Variants in MAML3 observed in about 807,000 individuals in gnomAD.
The protein encoded by MAML3 is mastermind-like protein 3.
MAML3 carries 27 observed loss-of-function variants against 101.9 expected under a neutral mutation model. The observed-to-expected ratio is 0.27, with a 90% CI of 0.20 to 0.37. The LOEUF is 0.37. Ranked by LOEUF, MAML3 falls within the 10% of genes least tolerant of loss-of-function variation. The pLI is 1.00. For missense variants in MAML3, 1,316 were observed against 1,444.9 expected (o/e 0.91, Z 1.45); for synonymous variants, 501 against 555.9 (o/e 0.90, Z 1.39).
chr4:140,097,093 A>G (rs1170153075), intron 1 of MAML3, among the ~76,000 whole-genome samples: 1 of 152,202 alleles, frequency 6.6e-6, no homozygotes, highest in Non-Finnish European at 1.5e-5. Context: ...ACATTTGTAT[A>G]TTTAGTTTTA....
intron 2 of MAML3, among the ~76,000 whole-genome samples, chr4:139,853,779 C>G (rs1731603037): frequency 6.6e-6 from 1 of 151,950 alleles, no homozygotes; most frequent in Non-Finnish European, 1.5e-5. Flanking sequence ...CTGCTTTTTA[C>G]CAGCTATGAG....
At chr4:140,041,211 A>G (rs1299080621) in intron 1 of MAML3, among the ~76,000 whole-genome samples, 2 of 152,168 alleles carry the variant, frequency 1.3e-5, no homozygotes, top group Non-Finnish European at 2.9e-5. Context: ...TGGGTCTTGA[A>G]GCATCAACTT....
Position 140,153,726 on chromosome 4 carries a change from T to C in MAML3, c.-399A>G. ...GGAGATTTCCGGTGGTTGGCAAGCA[T>C]TTTCTCCCTACATACCGAAAAACAC... On this transcript the variant is annotated 5_prime_UTR_variant, in exon 1 of 5. The change abolishes an upstream ATG in the 5' untranslated region. Coordinates refer to ENST00000509479, the MANE Select transcript of MAML3 (RefSeq NM_018717.5). 1 of 190,416 alleles carries C rather than the reference T, an allele frequency of 5.3e-6. No homozygotes were observed. Among genetic ancestry groups the C allele is most frequent in the Non-Finnish European group, 1.1e-5 (1 of 93,292 alleles). The allele number at this position is 190,416 out of a possible 1,614,324, so 11.8% of individuals were successfully genotyped here. A position where few individuals can be genotyped will look rare whatever the true frequency, so the allele number is the denominator to read the frequency against.
At chr4:139,779,726 G>C (rs1408050045) in intron 2 of MAML3, among the ~76,000 whole-genome samples, 1 of 152,178 alleles carries the variant, frequency 6.6e-6, no homozygotes. Flanking sequence ...CTGTCACTTT[G>C]GTGATTTCAT....
intron 1 of MAML3, among the ~76,000 whole-genome samples, chr4:140,148,126 GC>G (rs1276170965): frequency 6.6e-6 from 1 of 152,120 alleles, no homozygotes; most frequent in Non-Finnish European, 1.5e-5. Flanking sequence ...GTACAGGACT[GC>G]CCATTTTTCT....
chr4:139,783,893 G>A (rs1396791073), intron 2 of MAML3, among the ~76,000 whole-genome samples: 1 of 152,152 alleles, frequency 6.6e-6, no homozygotes, highest in Non-Finnish European at 1.5e-5. Flanking sequence ...ATTTTAACAT[G>A]CAGATTGACT....
intron 1 of MAML3, among the ~76,000 whole-genome samples, chr4:140,073,342 C>T (rs1196614527): frequency 1.3e-5 from 2 of 151,838 alleles, no homozygotes; most frequent in Non-Finnish European, 2.9e-5. Flanking sequence ...TTCACCATGT[C>T]GGCCAGGCTG....
At position 139,882,331 on chromosome 4, in the gene MAML3, T is replaced by A. The variant is rs189539450; in HGVS notation, c.2079+7026A>T. ...GACACACAATTCCAGATTTTTTTTT[T>A]AAAAAGTGCATAGTACTAGATACAG... On this transcript the variant is annotated intron_variant, in intron 2 of 4. Transcript: ENST00000509479. 5.1e-3 allele frequency among the ~76,000 whole-genome samples: 776 copies of A among 151,178 alleles called. 9 individuals carry two copies. Among genetic ancestry groups the A allele is most frequent in the Admixed American group, 0.031 (475 of 15,172 alleles).
At chr4:140,029,657 T>C (rs768860453) in intron 1 of MAML3, among the ~76,000 whole-genome samples, 2 of 152,206 alleles carry the variant, frequency 1.3e-5, no homozygotes, top group Non-Finnish European at 2.9e-5. Flanking sequence ...AAATATTACA[T>C]CTATCATTTC....
chr4:139,849,976 A>G (rs1323299154), intron 2 of MAML3, among the ~76,000 whole-genome samples: 1 of 152,218 alleles, frequency 6.6e-6, no homozygotes, highest in East Asian at 1.9e-4. Context: ...TATACTATAT[A>G]AAAAATGTGT....
chr4:139,819,635 T>C (rs764727776), intron 2 of MAML3, among the ~76,000 whole-genome samples: 18 of 152,222 alleles, frequency 1.2e-4, no homozygotes, highest in South Asian at 2.1e-4. Flanking sequence ...TGGTCACACG[T>C]AGTTATCACT....
chr4:139,950,766 A>G (rs757529394), intron 1 of MAML3, among the ~76,000 whole-genome samples: 1 of 152,192 alleles, frequency 6.6e-6, no homozygotes, highest in Non-Finnish European at 1.5e-5. Flanking sequence ...TAAGTCCCCA[A>G]GTAGGGGCCC....
At chr4:139,726,018 C>T (rs1261642314) in intron 3 of MAML3, among the ~76,000 whole-genome samples, 183 bp from the exon 4 acceptor site, 3 of 152,294 alleles carry the variant, frequency 2.0e-5, no homozygotes, top group African/African-American at 4.8e-5. Flanking sequence ...TTTCACAAAA[C>T]GAACACACTC....
At chr4:139,884,496 T>C (rs1257131354) in intron 2 of MAML3, among the ~76,000 whole-genome samples, 2 of 152,336 alleles carry the variant, frequency 1.3e-5, no homozygotes, top group Non-Finnish European at 1.5e-5. Context: ...ATTTTGGAAA[T>C]GATTCCCTTT....
chr4:139,865,338 A>G (rs1731875526), intron 2 of MAML3, among the ~76,000 whole-genome samples: 1 of 152,162 alleles, frequency 6.6e-6, no homozygotes, highest in African/African-American at 2.4e-5. Context: ...CCATCATGAA[A>G]GAGGGGAAGG....
intron 1 of MAML3, among the ~76,000 whole-genome samples, chr4:140,129,436 A>G (rs1728744031): frequency 1.3e-5 from 2 of 152,178 alleles, no homozygotes. Context: ...CTTATTTTTG[A>G]TCAAATTAAA....
chr4:139,995,490 T>A (rs185594495), intron 1 of MAML3, among the ~76,000 whole-genome samples: 1 of 152,290 alleles, frequency 6.6e-6, no homozygotes, highest in East Asian at 1.9e-4. Flanking sequence ...TGTGGGAAGA[T>A]TTTTGAATAC....
intron 1 of MAML3, among the ~76,000 whole-genome samples, chr4:140,026,958 ATG>A (rs1439062568): frequency 2.0e-5 from 3 of 152,092 alleles, no homozygotes; most frequent in African/African-American, 7.2e-5. Context: ...TTATATAATT[ATG>A]TGTGTTTCCA....
rs58270046 is a variant in MAML3 at position 139,863,832 on chromosome 4, G to GTT, written c.2079+25523_2079+25524dup. On this transcript the variant is annotated intron_variant, in intron 2 of 4. Transcript: ENST00000509479. ...TTTCTGTGGTAATACCAGAACATGG[G>GTT]TTTTTTTTTTTTTTTTTTTTTTTTG... is the stretch of plus-strand genomic sequence containing the variant. Among the ~76,000 whole-genome samples, 38 of 111,296 alleles carry GTT rather than the reference G, an allele frequency of 3.4e-4. 2 individuals carry two copies. Among genetic ancestry groups the GTT allele is most frequent in the South Asian group, 1.1e-3 (3 of 2,616 alleles). 73.0% of individuals were successfully genotyped at this position (111,296 alleles called of 152,430 possible). A position where few individuals can be genotyped will look rare whatever the true frequency, so the allele number is the denominator to read the frequency against.
Sources: allele counts gnomAD v4.1 joint callset (sites outside exome capture counted in the v4.1 genomes callset), GRCh38; gene constraint gnomAD v4.1.1; transcripts MANE v1.5; gene names NCBI Gene and HGNC (gene_info 2026-07-23, HGNC 2026-07-21).